GHR: variants seen among roughly 807,000 people sequenced by gnomAD.
The protein encoded by GHR is GH receptor.
In GHR, 35 loss-of-function variants were observed where a neutral mutation model predicts 67.1. That is an observed-to-expected ratio of 0.52 (90% CI 0.40 to 0.69). GHR has a LOEUF of 0.69. Ranked by LOEUF, GHR falls within the 30% of genes least tolerant of loss-of-function variation. The probability of loss-of-function intolerance (pLI) is 0.00; values close to 1 mark genes in which losing one functional copy is unlikely to be tolerated. For missense variants in GHR, 792 were observed against 764.6 expected, an observed-to-expected ratio of 1.04 and a Z score of -0.42; for synonymous variants, 272 against 269.1, an observed-to-expected ratio of 1.01 and a Z score of -0.10.
At chr5:42,698,694 T>C (rs1273640193) in intron 5 of GHR, among the ~76,000 whole-genome samples, 7 of 152,154 alleles carry the variant, frequency 4.6e-5, no homozygotes, top group Non-Finnish European at 1.0e-4. Context: ...CCTCACTGTG[T>C]ATATCTGTAA....
intron 1 of GHR, among the ~76,000 whole-genome samples, chr5:42,460,967 A>G (rs1744464088): frequency 6.6e-6 from 1 of 152,204 alleles, no homozygotes; most frequent in South Asian, 2.1e-4. Context: ...GGTATCTTAG[A>G]GTCCTTAGCT....
chr5:42,470,965 T>C (rs185347123), intron 1 of GHR, among the ~76,000 whole-genome samples: 1 of 152,242 alleles, frequency 6.6e-6, no homozygotes, highest in Admixed American at 6.5e-5. Context: ...TTGAAAAAAA[T>C]TTTCATTATA....
At chr5:42,489,507 C>G (rs1746022793) in intron 1 of GHR, among the ~76,000 whole-genome samples, 1 of 152,160 alleles carries the variant, frequency 6.6e-6, no homozygotes, top group African/African-American at 2.4e-5. Context: ...AACACACACA[C>G]ATCCACACAC....
At chr5:42,450,917 G>A (rs1355823158) in intron 1 of GHR, among the ~76,000 whole-genome samples, 5 of 152,096 alleles carry the variant, frequency 3.3e-5, no homozygotes, top group Non-Finnish European at 7.4e-5. Flanking sequence ...ATTATTTAAT[G>A]TCCATGTATT....
At position 42,699,888 on chromosome 5, in the gene GHR, T is replaced by C. The variant is rs121909373; in HGVS notation, c.504T>C (p.His168=). The change falls in exon 6 of 10, where the codon CAT becomes CAC. Residue 168 remains histidine (H), a synonymous_variant. Coordinates refer to ENST00000230882, the MANE Select transcript of GHR (RefSeq NM_000163.5). ...TGAACGTCAGTTTAACTGGGATTCATGCAGATATCCAAGTGAGATGGGAAG... is the reference window on the plus strand; with the variant it reads ...TGAACGTCAGTTTAACTGGGATTCACGCAGATATCCAAGTGAGATGGGAAG... The part of the protein sequence containing the change: ...TLLNVSLTGI[H]ADIQVRWEAP... 5 of 1,607,530 alleles carry C rather than the reference T, an allele frequency of 3.1e-6. No homozygotes were observed. Among genetic ancestry groups the C allele is most frequent in the Admixed American group, 3.3e-5 (2 of 59,938 alleles).
intron 3 of GHR, among the ~76,000 whole-genome samples, chr5:42,683,597 C>A (rs1206728247): frequency 6.6e-6 from 1 of 152,018 alleles, no homozygotes; most frequent in Admixed American, 6.6e-5. Flanking sequence ...ACTTTAGGGG[C>A]TGTCTGCCAC....
At chr5:42,634,144 C>A (rs906690079) in intron 3 of GHR, among the ~76,000 whole-genome samples, 3 of 150,838 alleles carry the variant, frequency 2.0e-5, no homozygotes, top group African/African-American at 7.3e-5. Context: ...TTTTTCATCT[C>A]TAAAATAAAG....
chr5:42,679,226 TA>T (rs1756734432), intron 3 of GHR, among the ~76,000 whole-genome samples: 1 of 146,526 alleles, frequency 6.8e-6, no homozygotes, highest in African/African-American at 2.5e-5. Flanking sequence ...ATTTTAAATA[TA>T]TTTTAATATA....
At position 42,686,363 on chromosome 5, in the gene GHR, G is replaced by GA. The variant is rs1402448167; in HGVS notation, c.137-2526dup. Reference sequence around the variant, plus strand: ...ACTGTAGCCTTGTAGTATGAAGTCAGAGACACAATAAAAAAAGAAAATTTT... The same window carrying GA: ...ACTGTAGCCTTGTAGTATGAAGTCAGAAGACACAATAAAAAAAGAAAATTTT... On this transcript the variant is annotated intron_variant, in intron 3 of 9. Transcript: ENST00000230882. 2.9e-5 allele frequency among the ~76,000 whole-genome samples: 4 copies of GA among 135,952 alleles called. No homozygotes were observed. In the Admixed American group the frequency reaches 3.0e-4, roughly 10 times the overall value. 89.2% of individuals were successfully genotyped at this position (135,952 alleles called of 152,430 possible).
chr5:42,659,203 G>A (rs1176411439), intron 3 of GHR: 1 of 152,106 alleles, frequency 6.6e-6, no homozygotes, highest in Non-Finnish European at 1.5e-5. Context: ...ATTTTACACA[G>A]GGGAAAACTG....
intron 3 of GHR, among the ~76,000 whole-genome samples, chr5:42,685,339 A>G (rs918579198): frequency 1.4e-4 from 22 of 152,200 alleles, no homozygotes; most frequent in African/African-American, 5.3e-4. Context: ...TAACCAGTCT[A>G]TCACTGATGG....
chr5:42,514,687 T>G (rs575343109), intron 1 of GHR, among the ~76,000 whole-genome samples: 23 of 151,986 alleles, frequency 1.5e-4, no homozygotes, highest in Non-Finnish European at 2.6e-4. Context: ...GTGGGGACAT[T>G]AGTGGGGGTC....
chr5:42,660,353 A>G (rs6451631), intron 3 of GHR, among the ~76,000 whole-genome samples: 125,959 of 152,024 alleles, frequency 0.83, 52,440 homozygotes, highest in East Asian at 1. Context: ...TAACTGGGAG[A>G]CACCCCTCAG....
At chr5:42,611,932 C>T (rs1377671362) in intron 2 of GHR, among the ~76,000 whole-genome samples, 1 of 152,140 alleles carries the variant, frequency 6.6e-6, no homozygotes, top group Non-Finnish European at 1.5e-5. Context: ...GAAGTTCATA[C>T]TATATACTAA....
chr5:42,456,974 C>T (rs1367710603), intron 1 of GHR, among the ~76,000 whole-genome samples: 1 of 152,118 alleles, frequency 6.6e-6, no homozygotes, highest in East Asian at 1.9e-4. Flanking sequence ...ATGAAGCTTT[C>T]CCCTCTTTCA....
chr5:42,689,043 T>C (rs764874118), intron 4 of GHR, 24 bp downstream of exon 4: 1 of 1,607,474 alleles, frequency 6.2e-7, no homozygotes, highest in South Asian at 1.1e-5. Flanking sequence ...GCCTTTCTGA[T>C]TTTCCTCTCC....
intron 1 of GHR, among the ~76,000 whole-genome samples, chr5:42,460,686 C>A (rs1439971230): frequency 6.6e-6 from 1 of 152,096 alleles, no homozygotes. Flanking sequence ...AAACACCATC[C>A]ATCAACCCAA....
At chr5:42,540,740 G>T (rs548167170) in intron 1 of GHR, among the ~76,000 whole-genome samples, 6 of 150,862 alleles carry the variant, frequency 4.0e-5, no homozygotes, top group Non-Finnish European at 2.9e-5. Context: ...TCTTAATGCA[G>T]CAGAAGGCTG....
chr5:42,645,896 T>C (rs1003214924), intron 3 of GHR, among the ~76,000 whole-genome samples: 19 of 152,218 alleles, frequency 1.2e-4, no homozygotes, highest in African/African-American at 3.9e-4. Flanking sequence ...AGGAGAGTAC[T>C]CATTTGCACC....
Sources: allele counts gnomAD v4.1 joint callset (sites outside exome capture counted in the v4.1 genomes callset), GRCh38; gene constraint gnomAD v4.1.1; transcripts MANE v1.5; gene names NCBI Gene and HGNC (gene_info 2026-07-23, HGNC 2026-07-21).